The following KATNIP variants were observed in gnomAD, a reference collection of about 807,000 sequenced individuals.
KATNIP encodes the protein katanin-interacting protein.
KATNIP carries 126 observed loss-of-function variants against 174.0 expected under a neutral mutation model. That is an observed-to-expected ratio of 0.72 (90% CI 0.63 to 0.84). The LOEUF (loss-of-function observed/expected upper bound fraction) is 0.84, where lower values mean the gene tolerates loss of function less well. Among genes scored for constraint, KATNIP ranks in the 40% least tolerant of loss-of-function variants. The pLI is 0.00. For synonymous variants in KATNIP, 810 were observed against 835.7 expected, an observed-to-expected ratio of 0.97 and a Z score of 0.53; for missense variants, 1,958 against 2,109.7, an observed-to-expected ratio of 0.93 and a Z score of 1.41.
chr16:27,554,789 CTTTTTTTTTT>C (rs563621813), intron 1 of KATNIP, among the ~76,000 whole-genome samples: 1 of 77,806 alleles, frequency 1.3e-5, no homozygotes, highest in Non-Finnish European at 2.4e-5. Context: ...TTGATTTACA[CTTTTTTTTTT>C]TTTTTTTTTT....
rs374978471 is a variant in KATNIP, at chr16:27,698,496, T to C, written c.1109T>C (p.Leu370Pro). The C allele has an allele frequency of 5.6e-6, 9 of 1,607,364 alleles. No homozygotes were observed. The African/African-American group carries it at 8.0e-5, about 14-fold the overall frequency. Residue 370 changes from leucine (L) to proline (P), a missense_variant, in exon 9 of 28, where the codon CTG (leucine) becomes CCG (proline). Leu to Pro is a moderately conservative substitution (Grantham distance 98). Coordinates refer to ENST00000261588, the MANE Select transcript of KATNIP (RefSeq NM_015202.5). ...SRKAEQPASP[L>P]QDAEGPPAKP... Reference sequence around the variant, plus strand: ...AAGGCCGAGCAGCCAGCCAGCCCACTGCAGGTGCGCTCCGGGCTGGGAGAG... The same window carrying C: ...AAGGCCGAGCAGCCAGCCAGCCCACCGCAGGTGCGCTCCGGGCTGGGAGAG...
intron 6 of KATNIP, among the ~76,000 whole-genome samples, chr16:27,655,815 C>T (rs1176198677): frequency 6.6e-6 from 1 of 152,148 alleles, no homozygotes; most frequent in Non-Finnish European, 1.5e-5. Flanking sequence ...ACTCCTTGTT[C>T]CTTACAATTC....
chr16:27,550,747 A>G (rs2089319555), intron 1 of KATNIP, among the ~76,000 whole-genome samples: 1 of 152,206 alleles, frequency 6.6e-6, no homozygotes, highest in African/African-American at 2.4e-5. Context: ...TCCATTTTAC[A>G]GATGATGAAA....
chr16:27,680,986 T>C (rs1413109092), intron 7 of KATNIP, among the ~76,000 whole-genome samples: 2 of 152,208 alleles, frequency 1.3e-5, no homozygotes, highest in East Asian at 3.8e-4. Flanking sequence ...TGAGCCACTG[T>C]ACCCAGCCTA....
chr16:27,683,981 G>A (rs1014099535), intron 8 of KATNIP, among the ~76,000 whole-genome samples: 1 of 152,218 alleles, frequency 6.6e-6, no homozygotes, highest in African/African-American at 2.4e-5. Flanking sequence ...TAGGGCAGGA[G>A]TGGCACGGTG....
chr16:27,577,156 A>AT (rs1313099562), intron 2 of KATNIP, among the ~76,000 whole-genome samples: 3 of 152,154 alleles, frequency 2.0e-5, no homozygotes, highest in Admixed American at 1.3e-4. Flanking sequence ...AAAGTTGTGG[A>AT]TTTTTTAAAA....
At chr16:27,725,752 T>C (rs2080424017) in intron 14 of KATNIP, among the ~76,000 whole-genome samples, 1 of 152,146 alleles carries the variant, frequency 6.6e-6, no homozygotes, top group Non-Finnish European at 1.5e-5. Flanking sequence ...TAGTTATGTG[T>C]GACAGTACAG....
chr16:27,558,205 G>A (rs996883194), intron 1 of KATNIP, among the ~76,000 whole-genome samples: 1 of 152,144 alleles, frequency 6.6e-6, no homozygotes, highest in Non-Finnish European at 1.5e-5. Flanking sequence ...GAGTGCAGTG[G>A]TGCGATCTCA....
At chr16:27,645,581 A>G (rs934684984) in intron 5 of KATNIP, among the ~76,000 whole-genome samples, 16 of 152,240 alleles carry the variant, frequency 1.1e-4, no homozygotes, top group African/African-American at 3.6e-4. Context: ...TGTTTTCCTC[A>G]TTTGTGAACA....
chr16:27,719,611 C>A (rs971900191), intron 13 of KATNIP, among the ~76,000 whole-genome samples: 1 of 151,890 alleles, frequency 6.6e-6, no homozygotes, highest in Non-Finnish European at 1.5e-5. Flanking sequence ...GAACTCCTGA[C>A]CTCAAATGAT....
intron 8 of KATNIP, 53 bp from the exon 9 acceptor site, chr16:27,698,275 C>G: frequency 1.3e-6 from 2 of 1,541,574 alleles, no homozygotes; most frequent in East Asian, 4.5e-5. Context: ...GGGTTGTGAG[C>G]TGCACTCCGA....
chr16:27,657,250 GAGA>G (rs1282238745), intron 6 of KATNIP, among the ~76,000 whole-genome samples: 8 of 152,112 alleles, frequency 5.3e-5, no homozygotes, highest in South Asian at 2.1e-4. Flanking sequence ...TGGGAGGGGA[GAGA>G]AGGAGAGAAA....
At chr16:27,749,557 TC>T (rs1567392171) in intron 15 of KATNIP, 26 bp from the exon 16 acceptor site, 1 of 1,517,040 alleles carries the variant, frequency 6.6e-7, no homozygotes, top group East Asian at 2.3e-5. Flanking sequence ...TCACAGGGCT[TC>T]CCCCCTCTTG....
intron 6 of KATNIP, among the ~76,000 whole-genome samples, chr16:27,667,263 C>T (rs770293768): frequency 1.5e-4 from 22 of 151,156 alleles, no homozygotes; most frequent in Non-Finnish European, 1.5e-5. Context: ...TGCAGTGAGC[C>T]ATGATCGTGC....
intron 1 of KATNIP, among the ~76,000 whole-genome samples, chr16:27,559,312 G>A (rs1258613189): frequency 6.6e-6 from 1 of 152,092 alleles, no homozygotes; most frequent in Non-Finnish European, 1.5e-5. Flanking sequence ...TTAGACACTT[G>A]CCTACCTGCT....
At chr16:27,611,836 C>G (rs1158033189) in intron 2 of KATNIP, among the ~76,000 whole-genome samples, 2 of 152,148 alleles carry the variant, frequency 1.3e-5, no homozygotes, top group African/African-American at 4.8e-5. Context: ...GCTAACAACT[C>G]AGCACTTAAT....
At chr16:27,562,760 G>T (rs890148387) in intron 1 of KATNIP, among the ~76,000 whole-genome samples, 1 of 152,148 alleles carries the variant, frequency 6.6e-6, no homozygotes, top group Non-Finnish European at 1.5e-5. Flanking sequence ...CACATAAGCC[G>T]CTGATTAGAT....
In KATNIP at chr16:27,580,803, G is replaced by A. The variant is rs62029088; in HGVS notation, c.63+6847G>A. Reference sequence around the variant, plus strand: ...TTTCATGGCTGCCTAGTACTCCATTGTGAATTTACAGGAATGTAATTCTTT... The same window carrying A: ...TTTCATGGCTGCCTAGTACTCCATTATGAATTTACAGGAATGTAATTCTTT... On this transcript the variant is annotated intron_variant, in intron 2 of 27. Coordinates refer to ENST00000261588, the MANE Select transcript of KATNIP (RefSeq NM_015202.5). 7.3e-3 allele frequency among the ~76,000 whole-genome samples: 1,092 copies of A among 148,880 alleles called. 17 individuals carry two copies. Among genetic ancestry groups the A allele is most frequent in the African/African-American group, 0.025 (997 of 40,318 alleles).
chr16:27,607,944 A>C (rs2075761987), intron 2 of KATNIP, among the ~76,000 whole-genome samples: 1 of 152,096 alleles, frequency 6.6e-6, no homozygotes, highest in African/African-American at 2.4e-5. Context: ...CGTCTAAGTG[A>C]TGGTTCTCTG....
Sources: allele counts gnomAD v4.1 joint callset (sites outside exome capture counted in the v4.1 genomes callset), GRCh38; gene constraint gnomAD v4.1.1; transcripts MANE v1.5; gene names NCBI Gene and HGNC (gene_info 2026-07-23, HGNC 2026-07-21).